SMYD3: variants seen among roughly 807,000 people sequenced by gnomAD.
SMYD3 encodes the protein SET and MYND domain containing 3.
Under a neutral mutation model 57.7 loss-of-function variants are expected in SMYD3, and 36 were observed. The ratio of observed to expected loss-of-function variants is 0.62; its 90% CI spans 0.48 to 0.82. The LOEUF (loss-of-function observed/expected upper bound fraction) is 0.82. Ranked by LOEUF, SMYD3 falls within the 40% of genes least tolerant of loss-of-function variation. The pLI is 0.00. For missense variants in SMYD3, 515 were observed against 538.8 expected, an observed-to-expected ratio of 0.96 and a Z score of 0.44; for synonymous variants, 211 against 195.0, an observed-to-expected ratio of 1.08 and a Z score of -0.68.
chr1:245,820,338 T>G lies in SMYD3; in HGVS notation c.1076+38158A>C, dbSNP rs566406333. On this transcript the variant is annotated intron_variant, in intron 10 of 11. Transcript: ENST00000490107. Reference sequence around the variant, plus strand: ...GATGCAGAAAAGGCCTTTGACAAAATTCAACAACCCTTCATGCTAAAAACT... The same window carrying G: ...GATGCAGAAAAGGCCTTTGACAAAAGTCAACAACCCTTCATGCTAAAAACT... 6.1e-4 allele frequency among the ~76,000 whole-genome samples: 92 copies of G among 150,410 alleles called. 1 individual carries two copies. The highest frequency in any genetic ancestry group is 1.9e-3 in the African/African-American group (77 of 40,954).
intron 5 of SMYD3, among the ~76,000 whole-genome samples, chr1:246,269,555 T>G (rs533880519): frequency 1.6e-4 from 24 of 147,244 alleles, no homozygotes; most frequent in Non-Finnish European, 1.8e-4. Flanking sequence ...TTTTTTTTTT[T>G]GTTTTTGTTG....
intron 5 of SMYD3, among the ~76,000 whole-genome samples, chr1:246,112,853 T>C (rs1444521916): frequency 1.3e-5 from 2 of 152,174 alleles, no homozygotes; most frequent in African/African-American, 4.8e-5. Flanking sequence ...AAAACACTAA[T>C]GAAGACCAAA....
intron 1 of SMYD3, among the ~76,000 whole-genome samples, chr1:246,467,200 A>G (rs983600295): frequency 1.3e-5 from 2 of 152,150 alleles, no homozygotes; most frequent in Non-Finnish European, 2.9e-5. Flanking sequence ...ATTTAAAAAT[A>G]AAATACACTT....
At chr1:246,327,149 AG>A in intron 5 of SMYD3, 51 bp downstream of exon 5, 3 of 1,607,170 alleles carry the variant, frequency 1.9e-6, no homozygotes, top group Non-Finnish European at 2.5e-6. Flanking sequence ...CAACAAAATA[AG>A]GAGCAAATGG....
chr1:246,419,556 C>A (rs1188705144), intron 1 of SMYD3, among the ~76,000 whole-genome samples: 2 of 152,154 alleles, frequency 1.3e-5, no homozygotes, highest in East Asian at 1.9e-4. Flanking sequence ...TCACCTAGGT[C>A]GATGGGGGTA....
chr1:246,399,125 G>A (rs774749140), intron 1 of SMYD3, among the ~76,000 whole-genome samples: 78 of 151,372 alleles, frequency 5.2e-4, no homozygotes, highest in Admixed American at 1.8e-3. Flanking sequence ...AGGTTCAAGC[G>A]ATTCTCCTGC....
At chr1:246,251,487 T>A (rs1780825) in intron 5 of SMYD3, among the ~76,000 whole-genome samples, 4 of 93,916 alleles carry the variant, frequency 4.3e-5, no homozygotes, top group East Asian at 5.3e-4. Context: ...TCGGACACTG[T>A]GCCCGGCTTT....
chr1:246,326,601 A>C (rs927469526), intron 5 of SMYD3, among the ~76,000 whole-genome samples: 6 of 105,618 alleles, frequency 5.7e-5, no homozygotes, highest in Non-Finnish European at 1.4e-4. Context: ...AAAACAAAAA[A>C]AAAAAAACAA....
At chr1:246,210,684 T>C (rs1407050314) in intron 5 of SMYD3, among the ~76,000 whole-genome samples, 1 of 150,696 alleles carries the variant, frequency 6.6e-6, no homozygotes, top group East Asian at 2.0e-4. Flanking sequence ...CACTCCAGCC[T>C]GGGCAACAAG....
chr1:246,355,098 T>TG lies in SMYD3; in HGVS notation c.165-5dup, dbSNP rs1433524516. On this transcript the variant is annotated splice_polypyrimidine_tract_variant and splice_region_variant and intron_variant, in intron 1 of 11. Transcript: ENST00000490107. This position sits in a 1 kb window ranked among gnomAD's most constrained non-coding sequence, Gnocchi z 5.0. ...GCATCGCATCAGCTTTTCCTTCCTG[T>TG]GGGGAAAAAAATTAATTCTGCATTA... The TG allele has an allele frequency of 1.9e-6, 3 of 1,613,782 alleles. No individual in the cohort carries two copies. Among genetic ancestry groups the TG allele is most frequent in the African/African-American group, 2.7e-5 (2 of 74,856 alleles).
rs138228896 is a variant in SMYD3, at chr1:246,338,039, A to T, written c.229-2565T>A. ...AACTTATTCCTAGATCATTGCCTGA[A>T]AACATACTTATTTTCTCATTTGCTT... On this transcript the variant is annotated intron_variant, in intron 2 of 11. Transcript: ENST00000490107. 2.0e-3 allele frequency among the ~76,000 whole-genome samples: 301 copies of T among 152,346 alleles called. 2 individuals carry two copies. The highest frequency in any genetic ancestry group is 6.9e-3 in the African/African-American group (287 of 41,586).
intron 5 of SMYD3, among the ~76,000 whole-genome samples, chr1:246,157,119 T>A (rs2148182293): frequency 6.6e-6 from 1 of 152,334 alleles, no homozygotes; most frequent in South Asian, 2.1e-4. Context: ...AGTAGCGAAG[T>A]CTGGGACGAG....
intron 10 of SMYD3, among the ~76,000 whole-genome samples, chr1:245,808,228 A>C (rs556449537): frequency 1.2e-4 from 19 of 152,322 alleles, no homozygotes; most frequent in Admixed American, 8.5e-4. Context: ...TTTTAAAATC[A>C]GATCTAAAGA....
intron 1 of SMYD3, among the ~76,000 whole-genome samples, chr1:246,411,102 T>G (rs1474448541): frequency 6.6e-6 from 1 of 152,142 alleles, no homozygotes; most frequent in Non-Finnish European, 1.5e-5. Flanking sequence ...ATTTTGTTGA[T>G]CTTTTCAAAA....
chr1:246,002,288 C>T (rs112327434), intron 5 of SMYD3, among the ~76,000 whole-genome samples: 1,293 of 120,870 alleles, frequency 0.011, 39 homozygotes, highest in African/African-American at 0.034. Context: ...GGGTTCACGC[C>T]ATTCTCCTGC....
At chr1:246,019,605 C>T (rs1395469220) in intron 5 of SMYD3, among the ~76,000 whole-genome samples, 4 of 152,126 alleles carry the variant, frequency 2.6e-5, no homozygotes, top group Non-Finnish European at 5.9e-5. Flanking sequence ...AGGGACTCAC[C>T]TAATTCATAA....
At chr1:246,074,772 C>T (rs1020627643) in intron 5 of SMYD3, among the ~76,000 whole-genome samples, 8 of 152,088 alleles carry the variant, frequency 5.3e-5, no homozygotes, top group Admixed American at 5.2e-4. Context: ...CTGGGTGACC[C>T]CTACTATCCA....
Position 246,299,390 on chromosome 1 carries a change from G to C in SMYD3, c.531+27811C>G, listed in dbSNP as rs545467302. The stretch of plus-strand genomic sequence containing the variant: ...GAAAAAGGAACGCTTACAAACTGTT[G>C]GTCGGAGTGTAGGTTAGTTCAACCA... On this transcript the variant is annotated intron_variant, in intron 5 of 11. Transcript: ENST00000490107. Among the ~76,000 whole-genome samples the C allele has an allele frequency of 3.3e-5, 5 of 152,192 alleles. No individual in the cohort carries two copies. In the South Asian group the frequency reaches 1.0e-3, roughly 32 times the overall value.
At chr1:245,851,545 A>G (rs140928209) in intron 10 of SMYD3, among the ~76,000 whole-genome samples, 114 of 152,340 alleles carry the variant, frequency 7.5e-4, no homozygotes, top group African/African-American at 2.6e-3. Context: ...TTGCATACAA[A>G]TAAGATGGAG....
Sources: allele counts gnomAD v4.1 joint callset (sites outside exome capture counted in the v4.1 genomes callset), GRCh38; gene constraint gnomAD v4.1.1; non-coding constraint Gnocchi (gnomAD v3.1); transcripts MANE v1.5; gene names NCBI Gene and HGNC (gene_info 2026-07-23, HGNC 2026-07-21).